Variants in KCNQ1 observed in about 807,000 individuals in gnomAD.
KCNQ1 encodes potassium voltage-gated channel subfamily KQT member 1.
In KCNQ1, 49 loss-of-function variants were observed where a neutral mutation model predicts 72.4. The observed-to-expected ratio is 0.68, with a 90% CI of 0.54 to 0.86. The LOEUF is 0.86. Among genes scored for constraint, KCNQ1 ranks in the 40% least tolerant of loss-of-function variants. The probability of loss-of-function intolerance (pLI) is 0.00; values close to 1 mark genes in which losing one functional copy is unlikely to be tolerated. For missense variants in KCNQ1, 790 were observed against 945.1 expected (o/e 0.84, Z 2.15); for synonymous variants, 450 against 412.6 (o/e 1.09, Z -1.10).
intron 15 of KCNQ1, among the ~76,000 whole-genome samples, chr11:2,799,015 G>A (rs1847204050): frequency 6.6e-6 from 1 of 152,196 alleles, no homozygotes; most frequent in Non-Finnish European, 1.5e-5. Flanking sequence ...AGGTGGTCAG[G>A]CGGCACTTAC....
intron 11 of KCNQ1, chr11:2,697,158 G>A (rs779604217): frequency 1.7e-4 from 66 of 398,466 alleles, no homozygotes; most frequent in Non-Finnish European, 2.6e-4. Context: ...AGTGGAATAT[G>A]TGCTTGTATA....
chr11:2,622,669 A>G, intron 10 of KCNQ1: 1 of 398,524 alleles, frequency 2.5e-6, no homozygotes, highest in Non-Finnish European at 4.4e-6. Flanking sequence ...ATAGTGTACC[A>G]TTATGATTCT....
chr11:2,710,189 T>TTTC lies in KCNQ1; in HGVS notation c.1514+48108_1514+48109insTTC, dbSNP rs1850980598. On this transcript the variant is annotated intron_variant, in intron 11 of 15. Transcript: ENST00000155840. The surrounding 1 kb of genome is among the most constrained non-coding windows in gnomAD (Gnocchi z 4.1). Reference sequence around the variant, plus strand: ...TTTTCATTTTAGCCATCTTAGTGGGTGTGAAGTGATATCTCCTAGTGGTTT... The same window carrying TTTC: ...TTTTCATTTTAGCCATCTTAGTGGGTTTCGTGAAGTGATATCTCCTAGTGGTTT... Among the ~76,000 whole-genome samples the TTTC allele has an allele frequency of 6.6e-6, 1 of 152,206 alleles. No homozygotes were observed. Among genetic ancestry groups the TTTC allele is most frequent in the East Asian group, 1.9e-4 (1 of 5,192 alleles).
Position 2,704,641 on chromosome 11 carries a change from G to C in KCNQ1, c.1514+42560G>C, listed in dbSNP as rs754746258. On this transcript the variant is annotated intron_variant, in intron 11 of 15. Coordinates refer to ENST00000155840, the MANE Select transcript of KCNQ1 (RefSeq NM_000218.3). The surrounding 1 kb of genome is among the most constrained non-coding windows in gnomAD (Gnocchi z 4.3). ...GAACTGAAGAGAGGCAGCAGGGTGA[G>C]GGGGAAGACTACGGGGGACTTGCCG... is the stretch of plus-strand genomic sequence containing the variant. Among the ~76,000 whole-genome samples, 4 of 152,232 alleles carry C rather than the reference G, an allele frequency of 2.6e-5. No individual in the cohort carries two copies. Among genetic ancestry groups the C allele is most frequent in the African/African-American group, 9.6e-5 (4 of 41,458 alleles).
chr11:2,545,497 GATA>G (rs375359831), intron 2 of KCNQ1, among the ~76,000 whole-genome samples: 104 of 152,226 alleles, frequency 6.8e-4, no homozygotes, highest in African/African-American at 1.9e-3. Flanking sequence ...TCAGTTGATT[GATA>G]ATAATTATAT....
intron 6 of KCNQ1, among the ~76,000 whole-genome samples, chr11:2,580,477 T>C (rs1324055371): frequency 6.6e-6 from 1 of 152,202 alleles, no homozygotes; most frequent in African/African-American, 2.4e-5. Flanking sequence ...AAGAAAAATA[T>C]GCATTTTTGC....
intron 15 of KCNQ1, among the ~76,000 whole-genome samples, chr11:2,791,074 C>T (rs1160587482): frequency 1.3e-5 from 2 of 152,252 alleles, no homozygotes; most frequent in African/African-American, 4.8e-5. Context: ...ATTTATAGGC[C>T]TCCAATATTG....
chr11:2,815,199 G>T lies in KCNQ1; in HGVS notation c.1795-32568G>T, dbSNP rs1847589778. Among the ~76,000 whole-genome samples the T allele has an allele frequency of 6.6e-6, 1 of 152,214 alleles. No individual in the cohort carries two copies. ...GAGGGTCCCAAGTCTGGGGTGGCCAGGTCACAGCTTGAACCTGGGCAGCCT... is the reference window on the plus strand; with the variant it reads ...GAGGGTCCCAAGTCTGGGGTGGCCATGTCACAGCTTGAACCTGGGCAGCCT... On this transcript the variant is annotated intron_variant, in intron 15 of 15. Transcript: ENST00000155840. This position sits in a 1 kb window ranked among gnomAD's most constrained non-coding sequence, Gnocchi z 5.4.
chr11:2,518,508 G>A (rs1847324738), intron 1 of KCNQ1, among the ~76,000 whole-genome samples: 1 of 152,216 alleles, frequency 6.6e-6, no homozygotes, highest in South Asian at 2.1e-4. Flanking sequence ...CCGAAAGCTG[G>A]CAGGAAGGGA....
In KCNQ1 at chr11:2,752,100, A is replaced by G. The variant is rs1022794175; in HGVS notation, c.1515-16744A>G. On this transcript the variant is annotated intron_variant, in intron 11 of 15. Transcript: ENST00000155840. The surrounding 1 kb of genome is among the most constrained non-coding windows in gnomAD (Gnocchi z 5.2). Reference sequence around the variant, plus strand: ...CACCCTGGTCATCCCTGTTTCCACCACAAGACTGTTTGTAGCCGAGCTTGG... The same window carrying G: ...CACCCTGGTCATCCCTGTTTCCACCGCAAGACTGTTTGTAGCCGAGCTTGG... Among the ~76,000 whole-genome samples, 1 of 152,162 alleles carries G rather than the reference A, an allele frequency of 6.6e-6. No individual in the cohort carries two copies. Among genetic ancestry groups the G allele is most frequent in the East Asian group, 1.9e-4 (1 of 5,202 alleles).
At chr11:2,793,726 CCTT>C (rs1847078647) in intron 15 of KCNQ1, among the ~76,000 whole-genome samples, 1 of 152,196 alleles carries the variant, frequency 6.6e-6, no homozygotes, top group Non-Finnish European at 1.5e-5. Context: ...GCAAAGGAAT[CCTT>C]CTGAAGCACT....
rs918176750 is a variant in KCNQ1 at position 2,785,632 on chromosome 11, A to G, written c.1794+7595A>G. ...ATACATTTATATTTAATACATTTAT[A>G]TTTAATATAATTTCTAATAGATTTG... On this transcript the variant is annotated intron_variant, in intron 15 of 15. Coordinates refer to ENST00000155840, the MANE Select transcript of KCNQ1 (RefSeq NM_000218.3). This position sits in a 1 kb window ranked among gnomAD's most constrained non-coding sequence, Gnocchi z 4.4. 3.7e-5 allele frequency among the ~76,000 whole-genome samples: 3 copies of G among 81,078 alleles called. No homozygotes were observed. The highest frequency in any genetic ancestry group is 1.4e-4 in the African/African-American group (3 of 21,976). The allele number at this position is 81,078 out of a possible 152,430, so 53.2% of individuals were successfully genotyped here.
In KCNQ1 at chr11:2,462,808, T is replaced by C. The variant is rs1337811672; in HGVS notation, c.386+17324T>C. On this transcript the variant is annotated intron_variant, in intron 1 of 15. Transcript: ENST00000155840. This position sits in a 1 kb window ranked among gnomAD's most constrained non-coding sequence, Gnocchi z 8.2. ...GCCTGGAGGTTTGAGGAGCAGAAAG[T>C]AGACCCTTGACCCTCCCTGGGCTGG... 6.6e-6 allele frequency among the ~76,000 whole-genome samples: 1 copy of C among 152,090 alleles called. No homozygotes were observed. Among genetic ancestry groups the C allele is most frequent in the Non-Finnish European group, 1.5e-5 (1 of 68,000 alleles).
In KCNQ1 at chr11:2,495,304, T is replaced by G. The variant is rs758398502; in HGVS notation, c.387-32624T>G. On this transcript the variant is annotated intron_variant, in intron 1 of 15. Coordinates refer to ENST00000155840, the MANE Select transcript of KCNQ1 (RefSeq NM_000218.3). This position sits in a 1 kb window ranked among gnomAD's most constrained non-coding sequence, Gnocchi z 4.6. ...AAACCAGCTCCTGGATTCATTGATT[T>G]TTTTGGAAGGGTTTTTCATGTCTCT... is the stretch of plus-strand genomic sequence containing the variant. 6.6e-5 allele frequency among the ~76,000 whole-genome samples: 10 copies of G among 152,182 alleles called. No homozygotes were observed. Among genetic ancestry groups the G allele is most frequent in the Non-Finnish European group, 1.0e-4 (7 of 68,036 alleles).
Position 2,445,231 on chromosome 11 carries a change from C to G in KCNQ1, c.133C>G (p.Pro45Ala). 8.8e-7 allele frequency: 1 copy of G among 1,138,180 alleles called. No homozygotes were observed. Among genetic ancestry groups the G allele is most frequent in the Non-Finnish European group, 1.1e-6 (1 of 926,710 alleles). The allele number at this position is 1,138,180 out of a possible 1,614,324, so 70.5% of individuals were successfully genotyped here. ...CTCGCTGGAGCTGGCGGAGGGCGGC[C>G]CGGCGGGCGGCGCGCTCTACGCGCC... is the stretch of plus-strand genomic sequence containing the variant. ...PFSLELAEGG[P>A]AGGALYAPIA... is the part of the protein sequence containing the mutation. The change falls in exon 1 of 16, where the codon CCG becomes GCG. Residue 45 changes from proline (P) to alanine (A), a missense_variant. Pro to Ala is a conservative substitution (Grantham distance 27). Around this residue, in one of 5 missense-constraint regions of KCNQ1, gnomAD observed 294 missense variants for 323.3 expected, o/e 0.91. Transcript: ENST00000155840.
In KCNQ1 at chr11:2,772,743, G is replaced by T. The variant is rs961501487; in HGVS notation, c.1591-3217G>T. 6.6e-6 allele frequency among the ~76,000 whole-genome samples: 1 copy of T among 152,094 alleles called. No individual in the cohort carries two copies. Among genetic ancestry groups the T allele is most frequent in the African/African-American group, 2.4e-5 (1 of 41,428 alleles). The stretch of plus-strand genomic sequence containing the variant: ...CATAATACTTCCTTGCCCACAACAG[G>T]CCTGTTTGGAAGCACTCGCATCTGC... On this transcript the variant is annotated intron_variant, in intron 12 of 15. Transcript: ENST00000155840. The surrounding 1 kb of genome is among the most constrained non-coding windows in gnomAD (Gnocchi z 6.6).
Position 2,612,211 on chromosome 11 carries a change from C to G in KCNQ1, c.1393+23357C>G, listed in dbSNP as rs916941968. 2.5e-6 allele frequency: 1 copy of G among 398,524 alleles called. No individual in the cohort carries two copies. Among genetic ancestry groups the G allele is most frequent in the Non-Finnish European group, 4.4e-6 (1 of 226,112 alleles). The allele number at this position is 398,524 out of a possible 1,614,324, so 24.7% of individuals were successfully genotyped here. On this transcript the variant is annotated intron_variant, in intron 10 of 15. Coordinates refer to ENST00000155840, the MANE Select transcript of KCNQ1 (RefSeq NM_000218.3). The surrounding 1 kb of genome is among the most constrained non-coding windows in gnomAD (Gnocchi z 5.5). ...GCAAGCATTACTGCCTGAGCTCTGC[C>G]TCCTGTCTGATCAGTGATGGCATTA...
intron 10 of KCNQ1, chr11:2,660,125 G>A (rs1321831022): frequency 2.5e-6 from 1 of 398,200 alleles, no homozygotes; most frequent in Non-Finnish European, 4.4e-6. Flanking sequence ...CCAAATCCAA[G>A]GTCCTGGAGA....
intron 11 of KCNQ1, chr11:2,688,263 G>T: frequency 2.5e-6 from 1 of 398,686 alleles, no homozygotes; most frequent in South Asian, 1.3e-4. Flanking sequence ...AGAGGGAGGC[G>T]CCATGACCTC....
Sources: gnomAD v4.1 joint callset for allele counts (sites outside exome capture counted in the v4.1 genomes callset) on GRCh38, gnomAD v4.1.1 for gene constraint, gnomAD v4.1.1 regional missense constraint, Gnocchi (gnomAD v3.1) non-coding constraint, MANE v1.5 for transcripts, NCBI Gene and HGNC (gene_info 2026-07-23, HGNC 2026-07-21) for gene names.